The following NKAIN2 variants were observed in gnomAD, a reference collection of about 807,000 sequenced individuals.
NKAIN2 encodes sodium/potassium-transporting ATPase subunit beta-1-interacting protein 2.
Under a neutral mutation model 32.6 loss-of-function variants are expected in NKAIN2, and 14 were observed. The ratio of observed to expected loss-of-function variants is 0.43; its 90% CI spans 0.28 to 0.67. The LOEUF (loss-of-function observed/expected upper bound fraction) is 0.67, where lower values mean the gene tolerates loss of function less well. NKAIN2 is among the 30% of genes least tolerant of loss of function. The pLI, the probability that NKAIN2 is intolerant of heterozygous loss-of-function variation, is 0.17. For missense variants in NKAIN2, 198 were observed against 258.3 expected, an observed-to-expected ratio of 0.77 and a Z score of 1.60; for synonymous variants, 80 against 87.2, an observed-to-expected ratio of 0.92 and a Z score of 0.46.
intron 1 of NKAIN2, among the ~76,000 whole-genome samples, chr6:124,198,579 C>CT (rs1790436533): frequency 1.3e-5 from 2 of 151,872 alleles, no homozygotes; most frequent in African/African-American, 2.4e-5. Flanking sequence ...CACAATAACT[C>CT]TGAGTTTTTT....
At chr6:124,597,787 A>T (rs750151851) in intron 3 of NKAIN2, among the ~76,000 whole-genome samples, 4 of 152,096 alleles carry the variant, frequency 2.6e-5, no homozygotes, top group Non-Finnish European at 4.4e-5. Context: ...GCTTGTAAAA[A>T]CCATGGAGTT....
intron 1 of NKAIN2, among the ~76,000 whole-genome samples, chr6:124,021,308 CTG>C (rs1780856094): frequency 6.6e-6 from 1 of 152,086 alleles, no homozygotes; most frequent in South Asian, 2.1e-4. Context: ...CATAAGAACA[CTG>C]TTTAATCTTT....
intron 4 of NKAIN2, among the ~76,000 whole-genome samples, chr6:124,759,523 C>G (rs767748996): frequency 1.3e-5 from 2 of 150,782 alleles, no homozygotes; most frequent in African/African-American, 4.9e-5. Context: ...CACTTTCTTT[C>G]GGTTTTTGTC....
chr6:124,806,181 T>TA (rs1780545745), intron 5 of NKAIN2, among the ~76,000 whole-genome samples: 1 of 151,908 alleles, frequency 6.6e-6, no homozygotes, highest in Admixed American at 6.6e-5. Flanking sequence ...CCAAGACATA[T>TA]AATTGTCAGA....
At chr6:124,228,933 T>G (rs187740915) in intron 1 of NKAIN2, among the ~76,000 whole-genome samples, 165 of 152,300 alleles carry the variant, frequency 1.1e-3, no homozygotes, top group African/African-American at 3.6e-3. Context: ...CATCTTTTTA[T>G]CACAAAAACA....
chr6:124,089,437 T>C (rs1784327586), intron 1 of NKAIN2, among the ~76,000 whole-genome samples: 1 of 151,986 alleles, frequency 6.6e-6, no homozygotes, highest in East Asian at 1.9e-4. Context: ...CTCTTACCAC[T>C]GCTTTGATTT....
chr6:124,268,354 A>G (rs1012699231), intron 1 of NKAIN2, among the ~76,000 whole-genome samples: 1 of 152,224 alleles, frequency 6.6e-6, no homozygotes, highest in Admixed American at 6.5e-5. Context: ...GTTCCTAAGC[A>G]AATTGGACCC....
Position 124,647,671 on chromosome 6 carries a change from G to A in NKAIN2, c.274-10515G>A, listed in dbSNP as rs561295552. Among the ~76,000 whole-genome samples the A allele has an allele frequency of 3.5e-4, 53 of 151,974 alleles. 1 individual carries two copies. The highest frequency in any genetic ancestry group is 1.1e-3 in the African/African-American group (44 of 41,472). On this transcript the variant is annotated intron_variant, in intron 3 of 6. Coordinates refer to ENST00000368417, the MANE Select transcript of NKAIN2 (RefSeq NM_001040214.3). ...CAAAATACCAAAAGAAAGAAAGAAT[G>A]GAAACAGGTTACATTTTTTAAAAAT...
rs780045345 is a variant in NKAIN2 at position 124,177,061 on chromosome 6, G to A, written c.55-105944G>A. Among the ~76,000 whole-genome samples, 103 of 151,580 alleles carry A rather than the reference G, an allele frequency of 6.8e-4. 1 individual carries two copies. The highest frequency in any genetic ancestry group is 3.4e-3 in the Middle Eastern group (1 of 292). ...TGTCCTACTTTAAAAGTCCTATGTGGGTATAATAAAAAATGAGTAATATTA... is the reference window on the plus strand; with the variant it reads ...TGTCCTACTTTAAAAGTCCTATGTGAGTATAATAAAAAATGAGTAATATTA... On this transcript the variant is annotated intron_variant, in intron 1 of 6. Transcript: ENST00000368417.
intron 5 of NKAIN2, among the ~76,000 whole-genome samples, chr6:124,803,945 CAT>C (rs1780393907): frequency 6.6e-6 from 1 of 152,202 alleles, no homozygotes; most frequent in African/African-American, 2.4e-5. Context: ...GTATTACACA[CAT>C]ATGACACCTG....
At chr6:124,664,601 C>T (rs1003847294) in intron 4 of NKAIN2, among the ~76,000 whole-genome samples, 14 of 150,048 alleles carry the variant, frequency 9.3e-5, no homozygotes, top group South Asian at 6.3e-4. Flanking sequence ...GAGACCATCC[C>T]GGCTAAAACG....
chr6:124,192,863 C>G (rs1790096057), intron 1 of NKAIN2, among the ~76,000 whole-genome samples: 1 of 150,824 alleles, frequency 6.6e-6, no homozygotes, highest in Admixed American at 6.6e-5. Context: ...CATTCTCCTG[C>G]CTCAGCCTCC....
At chr6:124,286,842 C>T (rs773763199) in intron 2 of NKAIN2, among the ~76,000 whole-genome samples, 15 of 151,914 alleles carry the variant, frequency 9.9e-5, no homozygotes, top group Admixed American at 4.6e-4. Context: ...CCATCATGCC[C>T]GGCTCATTTT....
intron 3 of NKAIN2, among the ~76,000 whole-genome samples, chr6:124,643,992 T>C (rs1381119477): frequency 2.0e-5 from 3 of 152,202 alleles, no homozygotes; most frequent in Non-Finnish European, 4.4e-5. Context: ...GTCATTAGTA[T>C]CATTTTCTCA....
chr6:124,380,734 T>C (rs1772599014), intron 3 of NKAIN2, among the ~76,000 whole-genome samples: 1 of 152,202 alleles, frequency 6.6e-6, no homozygotes, highest in African/African-American at 2.4e-5. Flanking sequence ...TGATATTGTA[T>C]AATTAAATAA....
At chr6:124,201,594 A>G (rs1243049929) in intron 1 of NKAIN2, among the ~76,000 whole-genome samples, 1 of 152,036 alleles carries the variant, frequency 6.6e-6, no homozygotes, top group Non-Finnish European at 1.5e-5. Flanking sequence ...TGAAAATGAA[A>G]TAACACAATA....
chr6:124,365,504 C>T (rs950634084), intron 3 of NKAIN2, among the ~76,000 whole-genome samples: 1 of 151,448 alleles, frequency 6.6e-6, no homozygotes, highest in African/African-American at 2.4e-5. Flanking sequence ...AGCAACATTA[C>T]CTGAATAAAA....
intron 1 of NKAIN2, among the ~76,000 whole-genome samples, chr6:124,164,142 G>T (rs900373119): frequency 4.6e-5 from 7 of 151,996 alleles, no homozygotes; most frequent in Non-Finnish European, 8.8e-5. Context: ...TTGTAAACAA[G>T]ATTTTAGCAA....
At chr6:124,633,336 G>A (rs1783645466) in intron 3 of NKAIN2, among the ~76,000 whole-genome samples, 1 of 152,022 alleles carries the variant, frequency 6.6e-6, no homozygotes, top group African/African-American at 2.4e-5. Context: ...TATTTCTTTT[G>A]TAGTACACAT....
Sources: gnomAD v4.1 joint callset for allele counts (sites outside exome capture counted in the v4.1 genomes callset) on GRCh38, gnomAD v4.1.1 for gene constraint, MANE v1.5 for transcripts, NCBI Gene and HGNC (gene_info 2026-07-23, HGNC 2026-07-21) for gene names.